ELP4: variants seen among roughly 807,000 people sequenced by gnomAD.
ELP4 encodes the protein elongator acetyltransferase complex subunit 4, also known as elongator complex protein 4.
A neutral mutation model predicts 48.9 loss-of-function variants in ELP4; 51 were observed. That is an observed-to-expected ratio of 1.04 (90% CI 0.83 to 1.32). The LOEUF is 1.32. ELP4 is among the 40% of genes most tolerant of loss of function. ELP4 has a pLI of 0.00. For missense variants in ELP4, 519 were observed against 514.6 expected, an observed-to-expected ratio of 1.01 and a Z score of -0.08; for synonymous variants, 210 against 189.2, an observed-to-expected ratio of 1.11 and a Z score of -0.90.
At chr11:31,574,985 C>T (rs1957249843) in intron 3 of ELP4, among the ~76,000 whole-genome samples, 2 of 152,114 alleles carry the variant, frequency 1.3e-5, no homozygotes, top group Non-Finnish European at 2.9e-5. Flanking sequence ...TAATAATAAA[C>T]TTCTCCAAGC....
intron 3 of ELP4, among the ~76,000 whole-genome samples, chr11:31,577,878 C>G (rs934546764): frequency 6.6e-6 from 1 of 152,178 alleles, no homozygotes; most frequent in Non-Finnish European, 1.5e-5. Context: ...CCTTTGAAAA[C>G]TGGCACAAGA....
intron 5 of ELP4, among the ~76,000 whole-genome samples, chr11:31,613,080 G>A (rs1304616267): frequency 1.3e-5 from 2 of 152,164 alleles, no homozygotes; most frequent in Non-Finnish European, 2.9e-5. Flanking sequence ...TAGGGTCTAA[G>A]GCTAATGGAA....
At chr11:31,715,087 C>T (rs1366834958) in intron 9 of ELP4, 1 of 318,524 alleles carries the variant, frequency 3.1e-6, no homozygotes, top group African/African-American at 2.1e-5. Context: ...GGAAGAACCA[C>T]TTCGTTGGCT....
At chr11:31,582,111 G>A (rs936491065) in intron 3 of ELP4, among the ~76,000 whole-genome samples, 2 of 152,084 alleles carry the variant, frequency 1.3e-5, no homozygotes. Flanking sequence ...GAGCTACAGA[G>A]CAAGACTTTC....
chr11:31,730,288 C>T (rs935911227), intron 9 of ELP4, among the ~76,000 whole-genome samples: 1 of 152,128 alleles, frequency 6.6e-6, no homozygotes, highest in African/African-American at 2.4e-5. Flanking sequence ...AAGGCACCAA[C>T]AGGTTCAGTG....
intron 9 of ELP4, chr11:31,662,510 A>C (rs1040650158): frequency 2.5e-6 from 1 of 397,404 alleles, no homozygotes; most frequent in Non-Finnish European, 4.4e-6. Context: ...CATTTTGTCT[A>C]TGGCTGTTTT....
intron 9 of ELP4, among the ~76,000 whole-genome samples, chr11:31,706,812 A>G (rs1946643944): frequency 6.6e-6 from 1 of 151,998 alleles, no homozygotes; most frequent in African/African-American, 2.4e-5. Flanking sequence ...TAGCTCCCAC[A>G]TATGAGTGAG....
intron 9 of ELP4, among the ~76,000 whole-genome samples, chr11:31,741,681 G>A (rs1448087592): frequency 6.6e-6 from 1 of 152,152 alleles, no homozygotes; most frequent in Non-Finnish European, 1.5e-5. Context: ...CTACAGCTGA[G>A]GGTCCTGTCT....
At chr11:31,553,764 A>ACACACACACACACC (rs1491538602) in intron 3 of ELP4, among the ~76,000 whole-genome samples, 4 of 141,962 alleles carry the variant, frequency 2.8e-5, no homozygotes, top group African/African-American at 1.0e-4. Flanking sequence ...ACACACACAC[A>ACACACACACACACC]CCCTATTGGT....
chr11:31,716,761 C>G (rs1047424273), intron 9 of ELP4, among the ~76,000 whole-genome samples: 42 of 152,172 alleles, frequency 2.8e-4, no homozygotes, highest in African/African-American at 9.2e-4. Context: ...AAATAACAAA[C>G]ATTCTCAATT....
intron 3 of ELP4, among the ~76,000 whole-genome samples, chr11:31,551,828 T>C (rs1230386976): frequency 6.6e-6 from 1 of 152,156 alleles, no homozygotes; most frequent in African/African-American, 2.4e-5. Flanking sequence ...TCCTCTTTTA[T>C]GAAATAACGG....
chr11:31,665,937 G>A (rs555941658), intron 9 of ELP4, among the ~76,000 whole-genome samples: 29 of 150,524 alleles, frequency 1.9e-4, no homozygotes, highest in Non-Finnish European at 3.0e-4. Flanking sequence ...TTACAAGTAT[G>A]AGCCAAGGTG....
At chr11:31,577,514 T>A (rs1592132792) in intron 3 of ELP4, among the ~76,000 whole-genome samples, 2 of 151,742 alleles carry the variant, frequency 1.3e-5, no homozygotes, top group African/African-American at 4.8e-5. Flanking sequence ...TAGACCAATA[T>A]CCCTGATGAA....
At chr11:31,737,562 A>T (rs1565133432) in intron 9 of ELP4, among the ~76,000 whole-genome samples, 1 of 152,284 alleles carries the variant, frequency 6.6e-6, no homozygotes, top group East Asian at 1.9e-4. Flanking sequence ...AATACTTGCA[A>T]ATCTGTAAAC....
At chr11:31,753,546 T>C (rs1947771148) in intron 9 of ELP4, among the ~76,000 whole-genome samples, 1 of 152,244 alleles carries the variant, frequency 6.6e-6, no homozygotes, top group Non-Finnish European at 1.5e-5. Flanking sequence ...GTTGTGTAAA[T>C]TGTTACAACT....
At chr11:31,706,936 T>TTA in intron 9 of ELP4, 2 of 398,198 alleles carry the variant, frequency 5.0e-6, no homozygotes, top group East Asian at 7.1e-5. Context: ...TTGCTAAATA[T>TTA]TATTCCATTG....
chr11:31,535,787 T>A (rs1956490760), intron 2 of ELP4, among the ~76,000 whole-genome samples: 1 of 152,244 alleles, frequency 6.6e-6, no homozygotes, highest in South Asian at 2.1e-4. Context: ...CTCTCCTTTC[T>A]GTCATTAGAG....
At chr11:31,557,421 T>C (rs1262004653) in intron 3 of ELP4, among the ~76,000 whole-genome samples, 1 of 152,022 alleles carries the variant, frequency 6.6e-6, no homozygotes, top group African/African-American at 2.4e-5. Flanking sequence ...TGAATTATTA[T>C]TATAAAGTTT....
At chr11:31,696,990 A>G (rs1476601204) in intron 9 of ELP4, among the ~76,000 whole-genome samples, 2 of 152,108 alleles carry the variant, frequency 1.3e-5, no homozygotes, top group African/African-American at 4.8e-5. Flanking sequence ...TGGAAAACAA[A>G]AAAAGGCAGG....
Sources: gnomAD v4.1 joint callset for allele counts (sites outside exome capture counted in the v4.1 genomes callset) on GRCh38, gnomAD v4.1.1 for gene constraint, MANE v1.5 for transcripts, NCBI Gene and HGNC (gene_info 2026-07-23, HGNC 2026-07-21) for gene names.